Variants in ANO1 observed in about 807,000 individuals in gnomAD.
ANO1 encodes the protein anoctamin-1.
Under a neutral mutation model 124.0 loss-of-function variants are expected in ANO1, and 59 were observed. That is an observed-to-expected ratio of 0.48 (90% CI 0.39 to 0.59). ANO1 has a LOEUF of 0.59. ANO1 is among the 20% of genes least tolerant of loss of function. ANO1 has a pLI of 0.00. For synonymous variants in ANO1, 529 were observed against 532.0 expected, an observed-to-expected ratio of 0.99 and a Z score of 0.08; for missense variants, 1,059 against 1,328.0, an observed-to-expected ratio of 0.80 and a Z score of 3.15.
At chr11:69,985,890 G>C (rs1856030370), upstream of ANO1, 1 of 152,282 alleles carries the variant, frequency 6.6e-6, no homozygotes, top group African/African-American at 2.4e-5. Context: ...AAGCCGAGGG[G>C]GAGGAGCGGC....
rs2048968355 is a variant in ANO1, at chr11:70,182,557, T to C, written c.2459T>C (p.Met820Thr). ...ATCCCGCGCCTGGTGTACCTCTACATGTACAGTAAGAACGGGACCATGCAC... is the reference window on the plus strand; with the variant it reads ...ATCCCGCGCCTGGTGTACCTCTACACGTACAGTAAGAACGGGACCATGCAC... The part of the protein sequence containing the change: ...DFIPRLVYLY[M>T]YSKNGTMHGF... The change falls in exon 24 of 26, where the codon ATG becomes ACG. Residue 820 changes from methionine to threonine, a missense_variant. By Grantham distance (81) the Met-to-Thr change is moderately conservative. Coordinates refer to ENST00000355303, the MANE Select transcript of ANO1 (RefSeq NM_018043.7). The C allele has an allele frequency of 6.2e-7, 1 of 1,612,996 alleles. No homozygotes were observed. The highest frequency in any genetic ancestry group is 8.5e-7 in the Non-Finnish European group (1 of 1,179,458).
chr11:70,020,816 C>A (rs1856791387), intron 1 of ANO1: 1 of 152,246 alleles, frequency 6.6e-6, no homozygotes, highest in Non-Finnish European at 1.5e-5. Flanking sequence ...CAGAAACAAG[C>A]CCGAAACGCA....
chr11:70,005,874 G>A (rs7101883), intron 1 of ANO1, among the ~76,000 whole-genome samples: 73,925 of 152,050 alleles, frequency 0.49, 19,276 homozygotes, highest in East Asian at 0.89. Flanking sequence ...TAGTAATTAC[G>A]TGAAGACTCT....
At chr11:70,109,845 G>A (rs1453191302) in intron 6 of ANO1, among the ~76,000 whole-genome samples, 6 of 152,228 alleles carry the variant, frequency 3.9e-5, no homozygotes, top group South Asian at 2.1e-4. Flanking sequence ...CACCGGTTTT[G>A]TGGCGGGGCT....
intron 1 of ANO1, among the ~76,000 whole-genome samples, chr11:70,034,599 T>TA (rs1555004174): frequency 6.6e-6 from 1 of 152,218 alleles, no homozygotes; most frequent in Non-Finnish European, 1.5e-5. Context: ...TTTGCTGTTG[T>TA]AGCCGCAAGC....
intron 10 of ANO1, among the ~76,000 whole-genome samples, chr11:70,126,819 G>T (rs2046534033): frequency 1.3e-5 from 2 of 148,580 alleles, no homozygotes; most frequent in South Asian, 2.2e-4. Flanking sequence ...CTCGGTACAG[G>T]CTGGTGCTCC....
chr11:70,110,408 G>A (rs369368911), intron 6 of ANO1, among the ~76,000 whole-genome samples: 5 of 151,946 alleles, frequency 3.3e-5, no homozygotes, highest in Admixed American at 6.6e-5. Flanking sequence ...GGATAGTCTC[G>A]ATCTCTTGAC....
chr11:70,086,707 G>C (rs1173403879), intron 1 of ANO1, among the ~76,000 whole-genome samples: 2 of 152,246 alleles, frequency 1.3e-5, no homozygotes, highest in African/African-American at 4.8e-5. Context: ...GGTACTGGCA[G>C]TGGGATGTGC....
At chr11:70,157,540 C>T (rs1029469785) in intron 16 of ANO1, among the ~76,000 whole-genome samples, 1 of 152,078 alleles carries the variant, frequency 6.6e-6, no homozygotes, top group Non-Finnish European at 1.5e-5. Flanking sequence ...AAAGTGACCC[C>T]CAGTGGGGGC....
the ANO1 span, among the ~76,000 whole-genome samples, chr11:69,968,471 G>A: frequency 2.4e-4 from 36 of 152,234 alleles, no homozygotes; most frequent in Non-Finnish European, 4.6e-4. Context: ...TGTTCTCGAC[G>A]TGTCGGAGAG....
At chr11:69,978,710 CTT>C in the ANO1 span, among the ~76,000 whole-genome samples, 1 of 152,220 alleles carries the variant, frequency 6.6e-6, no homozygotes, top group Non-Finnish European at 1.5e-5. Context: ...TGTCCCCTCT[CTT>C]GAGTCATTCT....
intron 1 of ANO1, among the ~76,000 whole-genome samples, chr11:70,070,767 A>T (rs1857852632): frequency 6.6e-6 from 1 of 152,190 alleles, no homozygotes; most frequent in Non-Finnish European, 1.5e-5. Flanking sequence ...GAGTGGACAA[A>T]CACTTGAGCG....
At chr11:70,097,704 A>G (rs759288730) in intron 2 of ANO1, among the ~76,000 whole-genome samples, 1 of 152,194 alleles carries the variant, frequency 6.6e-6, no homozygotes, top group Non-Finnish European at 1.5e-5. Flanking sequence ...GTTGGAGAGA[A>G]GGCGGATGGT....
chr11:70,076,211 G>C (rs782760793), upstream of ANO1, among the ~76,000 whole-genome samples: 32 of 152,348 alleles, frequency 2.1e-4, no homozygotes, highest in Admixed American at 6.5e-4. Context: ...CAGATGCCCT[G>C]AGCCTGGCTA....
In ANO1 at chr11:70,134,945, A is replaced by C. The variant is rs75539392; in HGVS notation, c.1258+2866A>C. On this transcript the variant is annotated intron_variant, in intron 11 of 25. Coordinates refer to ENST00000355303, the MANE Select transcript of ANO1 (RefSeq NM_018043.7). ...GGTCAGCAAGGACACGCTGAGAAGA[A>C]CTTAGTGTGCTGGCTCAGAGGAATC... is the stretch of plus-strand genomic sequence containing the variant. Among the ~76,000 whole-genome samples the C allele has an allele frequency of 3.7e-4, 56 of 152,302 alleles. 1 individual carries two copies. The East Asian group carries it at 0.01, about 28-fold the overall frequency.
At chr11:70,171,349 T>A (rs969590975) in intron 22 of ANO1, among the ~76,000 whole-genome samples, 3 of 151,558 alleles carry the variant, frequency 2.0e-5, no homozygotes, top group Non-Finnish European at 4.4e-5. Context: ...ATTTCCTCTC[T>A]GATGGCTGGC....
intron 11 of ANO1, among the ~76,000 whole-genome samples, chr11:70,138,421 G>T (rs373195853): frequency 7.0e-5 from 10 of 141,868 alleles, no homozygotes; most frequent in Non-Finnish European, 1.4e-4. Context: ...CAGGAGAATC[G>T]CTTGAACCCA....
intron 12 of ANO1, 124 bp from the exon 13 acceptor site, chr11:70,152,326 C>T (rs2047635876): frequency 6.7e-6 from 6 of 896,608 alleles, no homozygotes; most frequent in Non-Finnish European, 1.0e-5. Flanking sequence ...TAGAGCAAGA[C>T]TCCATCTCAA....
intron 1 of ANO1, among the ~76,000 whole-genome samples, chr11:70,047,051 G>A (rs1365656395): frequency 7.0e-6 from 1 of 142,684 alleles, no homozygotes; most frequent in African/African-American, 2.7e-5. Flanking sequence ...TTGTATTCCA[G>A]CCTGGGTGAC....
Sources: allele counts gnomAD v4.1 joint callset (sites outside exome capture counted in the v4.1 genomes callset), GRCh38; gene constraint gnomAD v4.1.1; transcripts MANE v1.5; gene names NCBI Gene and HGNC (gene_info 2026-07-23, HGNC 2026-07-21).